Variants in UGT2B4 observed in about 807,000 individuals in gnomAD.
UGT2B4 encodes the protein UDP-glucuronosyltransferase 2B4.
In UGT2B4, 49 loss-of-function variants were observed where a neutral mutation model predicts 49.8. The observed-to-expected ratio is 0.98, with a 90% CI of 0.78 to 1.25. The LOEUF is 1.25. Ranked by LOEUF, UGT2B4 falls within the 50% of genes most tolerant of loss-of-function variation. The probability of loss-of-function intolerance (pLI) is 0.00; values close to 1 mark genes in which losing one functional copy is unlikely to be tolerated. For missense variants in UGT2B4, 729 were observed against 627.7 expected, an observed-to-expected ratio of 1.16 and a Z score of -1.73; for synonymous variants, 246 against 217.7, an observed-to-expected ratio of 1.13 and a Z score of -1.14.
At chr4:69,500,606 G>GCAAGAAAGCAAGA (rs1553896493), upstream of UGT2B4, among the ~76,000 whole-genome samples, 260 of 99,586 alleles carry the variant, frequency 2.6e-3, 3 homozygotes, top group East Asian at 5.6e-3. Flanking sequence ...AGAAAGCAAG[G>GCAAGAAAGCAAGA]AAGAAAGAAA....
At chr4:69,481,091 GA>G (rs57494102) in intron 5 of UGT2B4, among the ~76,000 whole-genome samples, 181 bp from the exon 6 acceptor site, 8,611 of 67,468 alleles carry the variant, frequency 0.13, 478 homozygotes, top group Admixed American at 0.21. Flanking sequence ...GTAAAAATAT[GA>G]AAAAAAAAAA....
chr4:69,496,054 C>A (rs191067955), upstream of UGT2B4: 4 of 843,670 alleles, frequency 4.7e-6, no homozygotes, highest in East Asian at 3.3e-5. Flanking sequence ...TACACAAGTG[C>A]GTTTAATGTT....
chr4:69,507,739 C>G (rs529214067), intron 1 of UGT2B4, among the ~76,000 whole-genome samples: 1 of 152,048 alleles, frequency 6.6e-6, no homozygotes, highest in African/African-American at 2.4e-5. Context: ...AATGTAAAAC[C>G]CAAAACTATA....
chr4:69,498,016 A>G (rs201580697), upstream of UGT2B4, among the ~76,000 whole-genome samples: 12 of 150,888 alleles, frequency 8.0e-5, 1 homozygote, highest in African/African-American at 2.4e-4. Flanking sequence ...CGAAGAAAAA[A>G]GTTTACAACT....
At chr4:69,508,334 A>G (rs531552822) in intron 1 of UGT2B4, among the ~76,000 whole-genome samples, 1 of 152,302 alleles carries the variant, frequency 6.6e-6, no homozygotes, top group East Asian at 1.9e-4. Context: ...CATTTGACCC[A>G]GCAATCCCAT....
At chr4:69,488,557 T>C (rs925794982) in intron 3 of UGT2B4, among the ~76,000 whole-genome samples, 3 of 152,068 alleles carry the variant, frequency 2.0e-5, no homozygotes, top group South Asian at 4.2e-4. Context: ...TTTTATTCTA[T>C]ATAAAAGAAA....
At chr4:69,492,525 G>T (rs1441323309) in intron 2 of UGT2B4, among the ~76,000 whole-genome samples, 1 of 151,982 alleles carries the variant, frequency 6.6e-6, no homozygotes, top group African/African-American at 2.4e-5. Flanking sequence ...CAAGTCTACA[G>T]GGTATCTGTC....
chr4:69,515,682 G>C (rs1266788866), intron 1 of UGT2B4, among the ~76,000 whole-genome samples: 1 of 152,026 alleles, frequency 6.6e-6, no homozygotes, highest in Non-Finnish European at 1.5e-5. Flanking sequence ...AGGAGATACA[G>C]ACGTGAAAAA....
chr4:69,496,070 T>A (rs974780885), upstream of UGT2B4: 1 of 741,636 alleles, frequency 1.3e-6, no homozygotes, highest in Non-Finnish European at 1.9e-6. Flanking sequence ...ATGTTCTTTT[T>A]GGATTTTTTT....
chr4:69,498,783 C>T (rs1380524971), upstream of UGT2B4, among the ~76,000 whole-genome samples: 2 of 151,788 alleles, frequency 1.3e-5, no homozygotes, highest in Non-Finnish European at 2.9e-5. Context: ...GTCTAGACTG[C>T]TGTCTATTTT....
At chr4:69,500,606 G>GCAAGAAAGCAAGAAAGCAAGAAAGCAAGA (rs1553896493), upstream of UGT2B4, among the ~76,000 whole-genome samples, 10 of 99,598 alleles carry the variant, frequency 1.0e-4, no homozygotes, top group South Asian at 3.5e-4. Context: ...AGAAAGCAAG[G>GCAAGAAAGCAAGAAAGCAAGAAAGCAAGA]AAGAAAGAAA....
At position 69,495,150 on chromosome 4, in the gene UGT2B4, C is replaced by T. The variant is rs370499886; in HGVS notation, c.712G>A (p.Glu238Lys). 38 of 1,533,310 alleles carry T rather than the reference C, an allele frequency of 2.5e-5. No homozygotes were observed. The African/African-American group carries it at 5.2e-4, about 21-fold the overall frequency. 95.0% of individuals were successfully genotyped at this position (1,533,310 alleles called of 1,614,324 possible). Residue 238 changes from glutamate to lysine, a missense_variant, in exon 1 of 6, where the codon GAA becomes AAA. Glu to Lys is a moderately conservative substitution (Grantham distance 56, BLOSUM62 1). Coordinates refer to ENST00000305107, the MANE Select transcript of UGT2B4 (RefSeq NM_021139.3). The stretch of plus-strand genomic sequence containing the variant: ...CAAAAAAGTTACTTACCTAGAACTT[C>T]ACTGTAGAACTGATCCCACTTCTTC... The part of the protein sequence containing the change: ...DMKKWDQFYS[E>K]VLGRPTTLSE...
chr4:69,523,235 C>T (rs1463142458), intron 1 of UGT2B4, among the ~76,000 whole-genome samples: 14 of 152,094 alleles, frequency 9.2e-5, no homozygotes, highest in Admixed American at 9.2e-4. Flanking sequence ...AAATACTTTA[C>T]AGAACGTTTT....
chr4:69,498,580 A>T (rs1377074933), upstream of UGT2B4, among the ~76,000 whole-genome samples: 1 of 148,614 alleles, frequency 6.7e-6, no homozygotes, highest in African/African-American at 2.5e-5. Context: ...GTCTCATCTT[A>T]TTCTCAGTTC....
At chr4:69,501,470 G>C (rs1728317011) in intron 1 of UGT2B4, among the ~76,000 whole-genome samples, 1 of 152,102 alleles carries the variant, frequency 6.6e-6, no homozygotes, top group South Asian at 2.1e-4. Flanking sequence ...TTTGCTGTTT[G>C]GGCGACTTAG....
chr4:69,504,213 A>C (rs559091163), intron 1 of UGT2B4, among the ~76,000 whole-genome samples: 1 of 152,336 alleles, frequency 6.6e-6, no homozygotes, highest in South Asian at 2.1e-4. Flanking sequence ...GTTCAGAACC[A>C]GGCTGAGGCT....
At chr4:69,481,091 GAAAAAAAA>G (rs57494102) in intron 5 of UGT2B4, among the ~76,000 whole-genome samples, 181 bp from the exon 6 acceptor site, 17 of 67,814 alleles carry the variant, frequency 2.5e-4, no homozygotes, top group South Asian at 8.4e-4. Flanking sequence ...GTAAAAATAT[GAAAAAAAA>G]AAAAAAAAAA....
chr4:69,497,579 T>G (rs1396181563), upstream of UGT2B4, among the ~76,000 whole-genome samples: 1 of 152,170 alleles, frequency 6.6e-6, no homozygotes, highest in Non-Finnish European at 1.5e-5. Flanking sequence ...TAACTCAAAT[T>G]AGAAGTGGAA....
chr4:69,481,736 T>G lies in UGT2B4; in HGVS notation c.1311-826A>C, dbSNP rs116066045. On this transcript the variant is annotated intron_variant, in intron 5 of 5. Transcript: ENST00000305107. ...GGTCAGCATCATGAGCCGTTTTAAG[T>G]GGTAAAAGATATACACCTTAAAATA... 3.7e-3 allele frequency among the ~76,000 whole-genome samples: 560 copies of G among 152,296 alleles called. 5 individuals carry two copies. Among genetic ancestry groups the G allele is most frequent in the Middle Eastern group, 0.017 (5 of 294 alleles).
Sources: gnomAD v4.1 joint callset for allele counts (sites outside exome capture counted in the v4.1 genomes callset) on GRCh38, gnomAD v4.1.1 for gene constraint, MANE v1.5 for transcripts, NCBI Gene and HGNC (gene_info 2026-07-23, HGNC 2026-07-21) for gene names.